ARHGAP26: variants seen among roughly 807,000 people sequenced by gnomAD.
ARHGAP26 encodes rho GTPase-activating protein 26.
ARHGAP26 carries 38 observed loss-of-function variants against 104.8 expected under a neutral mutation model. The ratio of observed to expected loss-of-function variants is 0.36; its 90% CI spans 0.28 to 0.48. The LOEUF is 0.48. Ranked by LOEUF, ARHGAP26 falls within the 20% of genes least tolerant of loss-of-function variation. ARHGAP26 has a pLI of 0.99. For synonymous variants in ARHGAP26, 341 were observed against 340.0 expected, an observed-to-expected ratio of 1.00 and a Z score of -0.03; for missense variants, 704 against 947.9, an observed-to-expected ratio of 0.74 and a Z score of 3.38.
intron 17 of ARHGAP26, among the ~76,000 whole-genome samples, chr5:143,099,883 CA>C (rs1235213551): frequency 1.3e-5 from 2 of 152,166 alleles, no homozygotes; most frequent in Admixed American, 1.3e-4. Flanking sequence ...ACCAAAAGAA[CA>C]GGCATATTTG....
At chr5:142,796,092 T>C (rs1760942464) in intron 1 of ARHGAP26, among the ~76,000 whole-genome samples, 1 of 139,742 alleles carries the variant, frequency 7.2e-6, no homozygotes, top group Non-Finnish European at 1.5e-5. Context: ...GTGTGTGTGT[T>C]ACGTCTCTCC....
chr5:142,782,320 T>C (rs1757678922), intron 1 of ARHGAP26, among the ~76,000 whole-genome samples: 1 of 152,140 alleles, frequency 6.6e-6, no homozygotes, highest in Non-Finnish European at 1.5e-5. Flanking sequence ...AGGTATAGGT[T>C]TGGCTCTCTC....
chr5:143,189,570 T>G (rs1805622506), intron 20 of ARHGAP26, among the ~76,000 whole-genome samples: 1 of 149,652 alleles, frequency 6.7e-6, no homozygotes, highest in Non-Finnish European at 1.5e-5. Flanking sequence ...TTTCCTAAAT[T>G]TTTTCCATTA....
At chr5:142,780,112 T>C (rs533163961) in intron 1 of ARHGAP26, among the ~76,000 whole-genome samples, 1 of 152,352 alleles carries the variant, frequency 6.6e-6, no homozygotes, top group Admixed American at 6.5e-5. Context: ...CACATACACA[T>C]TGTGCCATAT....
chr5:143,176,272 G>A (rs1803461226), intron 20 of ARHGAP26, among the ~76,000 whole-genome samples: 1 of 152,180 alleles, frequency 6.6e-6, no homozygotes, highest in Admixed American at 6.5e-5. Flanking sequence ...GCCATCTGCT[G>A]CTCAGCAGAC....
intron 17 of ARHGAP26, among the ~76,000 whole-genome samples, chr5:143,079,402 C>T (rs1222898258): frequency 5.3e-5 from 8 of 152,284 alleles, no homozygotes; most frequent in African/African-American, 7.2e-5. Flanking sequence ...TACCAGGCTA[C>T]GATTCTTTGG....
chr5:143,063,194 G>A (rs566428981), intron 17 of ARHGAP26, among the ~76,000 whole-genome samples: 3 of 152,094 alleles, frequency 2.0e-5, no homozygotes, highest in South Asian at 4.2e-4. Context: ...GACTCCCACC[G>A]GGAACTCAGA....
intron 12 of ARHGAP26, among the ~76,000 whole-genome samples, chr5:143,018,376 T>G (rs245815): frequency 0.97 from 147,826 of 152,168 alleles, 71,999 homozygotes; most frequent in African/African-American, 0.99. Context: ...TTTGCTTTCT[T>G]GTTTATGATT....
At chr5:143,142,295 C>T (rs1043313431) in intron 19 of ARHGAP26, among the ~76,000 whole-genome samples, 9 of 151,858 alleles carry the variant, frequency 5.9e-5, no homozygotes, top group Non-Finnish European at 1.3e-4. Flanking sequence ...CCCGCCACCA[C>T]GCCCAGCTAA....
intron 1 of ARHGAP26, among the ~76,000 whole-genome samples, chr5:142,788,678 T>C (rs972751746): frequency 5.3e-5 from 8 of 152,168 alleles, no homozygotes; most frequent in African/African-American, 1.9e-4. Flanking sequence ...TTATAAGTAA[T>C]CTTGAGATGA....
At chr5:143,207,510 A>G in intron 21 of ARHGAP26, 1 of 1,607,746 alleles carries the variant, frequency 6.2e-7, no homozygotes, top group Non-Finnish European at 8.5e-7. Flanking sequence ...GTTCCCGTTT[A>G]TCCAAAGCTG....
At chr5:142,918,313 ATTT>A (rs947614682) in intron 10 of ARHGAP26, among the ~76,000 whole-genome samples, 2 of 151,856 alleles carry the variant, frequency 1.3e-5, no homozygotes, top group African/African-American at 4.8e-5. Flanking sequence ...CGTCTGGCTA[ATTT>A]TTCTATTTGT....
intron 1 of ARHGAP26, among the ~76,000 whole-genome samples, chr5:142,862,371 C>A (rs948422529): frequency 7.2e-5 from 11 of 152,114 alleles, no homozygotes; most frequent in Admixed American, 3.9e-4. Flanking sequence ...CCTGTGATGA[C>A]CTGTGGAGAA....
At chr5:143,072,060 A>G (rs961625433) in intron 17 of ARHGAP26, among the ~76,000 whole-genome samples, 2 of 152,160 alleles carry the variant, frequency 1.3e-5, no homozygotes, top group African/African-American at 2.4e-5. Context: ...AAGGAACTCA[A>G]ACATCTCAAC....
intron 11 of ARHGAP26, among the ~76,000 whole-genome samples, chr5:142,968,894 T>A (rs1471136680): frequency 6.6e-6 from 1 of 152,240 alleles, no homozygotes; most frequent in African/African-American, 2.4e-5. Flanking sequence ...TCCATTATCT[T>A]ATGCCACAAT....
At chr5:142,917,079 G>C (rs938308687) in intron 10 of ARHGAP26, among the ~76,000 whole-genome samples, 1 of 146,316 alleles carries the variant, frequency 6.8e-6, no homozygotes, top group East Asian at 2.0e-4. Flanking sequence ...TTGCTCTGTT[G>C]CCCAGGCCGG....
At chr5:143,049,383 A>T (rs1784668088) in intron 14 of ARHGAP26, among the ~76,000 whole-genome samples, 1 of 152,088 alleles carries the variant, frequency 6.6e-6, no homozygotes, top group Admixed American at 6.6e-5. Flanking sequence ...TGGATTTTCC[A>T]ATGTCTTTAT....
At chr5:143,091,571 A>G (rs888266694) in intron 17 of ARHGAP26, among the ~76,000 whole-genome samples, 1 of 152,210 alleles carries the variant, frequency 6.6e-6, no homozygotes, top group Admixed American at 6.5e-5. Context: ...TGCTTCCTGT[A>G]TGACTTTTAT....
intron 11 of ARHGAP26, 32 bp from the exon 12 acceptor site, chr5:143,014,048 C>T (rs760905561): frequency 1.2e-5 from 19 of 1,611,584 alleles, no homozygotes; most frequent in South Asian, 5.5e-5. Flanking sequence ...GCATAAAATG[C>T]ACATAAGTGA....
Sources: gnomAD v4.1 joint callset for allele counts (sites outside exome capture counted in the v4.1 genomes callset) on GRCh38, gnomAD v4.1.1 for gene constraint, MANE v1.5 for transcripts, NCBI Gene and HGNC (gene_info 2026-07-23, HGNC 2026-07-21) for gene names.